TBC1D4: variants seen among roughly 807,000 people sequenced by gnomAD.
TBC1D4 encodes TBC1 domain family member 4.
A neutral mutation model predicts 142.5 loss-of-function variants in TBC1D4; 121 were observed. The observed-to-expected ratio is 0.85, with a 90% CI of 0.73 to 0.99. TBC1D4 has a LOEUF of 0.99. TBC1D4 is among the 50% of genes least tolerant of loss of function. TBC1D4 has a pLI of 0.00. For synonymous variants in TBC1D4, 630 were observed against 628.2 expected (o/e 1.00, Z -0.04); for missense variants, 1,475 against 1,606.6 (o/e 0.92, Z 1.40).
At chr13:75,434,185 A>C (rs573288431) in intron 1 of TBC1D4, among the ~76,000 whole-genome samples, 4 of 152,336 alleles carry the variant, frequency 2.6e-5, no homozygotes, top group African/African-American at 9.6e-5. Flanking sequence ...AATATAAGTC[A>C]TTCTGCCACA....
intron 1 of TBC1D4, among the ~76,000 whole-genome samples, chr13:75,368,010 G>C (rs1883018058): frequency 6.6e-6 from 1 of 152,130 alleles, no homozygotes; most frequent in African/African-American, 2.4e-5. Context: ...ATGGTTTTTA[G>C]GGTGAAGCTG....
chr13:75,409,620 C>T (rs1398156749), intron 1 of TBC1D4, among the ~76,000 whole-genome samples: 4 of 152,106 alleles, frequency 2.6e-5, no homozygotes, highest in Admixed American at 2.0e-4. Context: ...GCAGATTGAC[C>T]CTTGGTGAAA....
intron 12 of TBC1D4, among the ~76,000 whole-genome samples, chr13:75,317,543 C>A (rs988707090): frequency 2.0e-4 from 30 of 152,148 alleles, no homozygotes; most frequent in African/African-American, 6.0e-4. Context: ...TTTTAATCAT[C>A]TTTACATTTC....
At chr13:75,466,158 T>G (rs568227972) in intron 1 of TBC1D4, among the ~76,000 whole-genome samples, 1 of 152,242 alleles carries the variant, frequency 6.6e-6, no homozygotes, top group Non-Finnish European at 1.5e-5. Flanking sequence ...TTTGACTCTT[T>G]TCATCAACAC....
intron 4 of TBC1D4, among the ~76,000 whole-genome samples, chr13:75,350,361 TAAAC>T (rs1370635406): frequency 6.6e-6 from 1 of 152,188 alleles, no homozygotes; most frequent in East Asian, 1.9e-4. Flanking sequence ...GAAACTGAAA[TAAAC>T]AGACTATTCT....
chr13:75,382,524 T>C (rs1310543659), intron 1 of TBC1D4, among the ~76,000 whole-genome samples: 3 of 152,334 alleles, frequency 2.0e-5, no homozygotes, highest in East Asian at 3.9e-4. Flanking sequence ...ATGAATTTAA[T>C]ATGACTAGGA....
At chr13:75,325,276 T>G (rs1043001236) in intron 10 of TBC1D4, among the ~76,000 whole-genome samples, 1 of 152,046 alleles carries the variant, frequency 6.6e-6, no homozygotes, top group African/African-American at 2.4e-5. Context: ...ATTTTTTGTA[T>G]CATAAAATAT....
At chr13:75,299,185 G>A (rs1876254734) in intron 17 of TBC1D4, 145 bp downstream of exon 17, 2 of 1,405,080 alleles carry the variant, frequency 1.4e-6, no homozygotes, top group South Asian at 2.5e-5. Flanking sequence ...CCCACACTAA[G>A]TGAACTAAAA....
At chr13:75,310,461 A>T (rs1877636925) in intron 13 of TBC1D4, among the ~76,000 whole-genome samples, 1 of 151,994 alleles carries the variant, frequency 6.6e-6, no homozygotes, top group African/African-American at 2.4e-5. Context: ...TCTGCAATTT[A>T]CTTACGTATA....
chr13:75,294,805 G>C lies in TBC1D4; in HGVS notation c.3316+49C>G, dbSNP rs768147759. On this transcript the variant is annotated intron_variant, in intron 18 of 20. Coordinates refer to ENST00000377636, the MANE Select transcript of TBC1D4 (RefSeq NM_014832.5). The stretch of plus-strand genomic sequence containing the variant: ...TCATATGGCTAGAAGTAGAAGTATA[G>C]TCCTTGGAATAAATAATACTGTTCC... The C allele has an allele frequency of 5.0e-6, 8 of 1,590,440 alleles. No homozygotes were observed. In the African/African-American group the frequency reaches 9.4e-5, roughly 19 times the overall value.
chr13:75,378,245 T>C (rs1233839324), intron 1 of TBC1D4, among the ~76,000 whole-genome samples: 2 of 152,166 alleles, frequency 1.3e-5, no homozygotes, highest in Non-Finnish European at 2.9e-5. Context: ...TTCAAATGCA[T>C]ATTAACTCTA....
At chr13:75,368,776 C>T (rs1188830066) in intron 1 of TBC1D4, among the ~76,000 whole-genome samples, 1 of 152,154 alleles carries the variant, frequency 6.6e-6, no homozygotes, top group African/African-American at 2.4e-5. Context: ...TAGTGGGTCA[C>T]ACCTGTAATC....
intron 10 of TBC1D4, among the ~76,000 whole-genome samples, 168 bp downstream of exon 10, chr13:75,326,029 A>C (rs1879217099): frequency 6.6e-6 from 1 of 152,182 alleles, no homozygotes; most frequent in East Asian, 1.9e-4. Flanking sequence ...GTATGCCTTA[A>C]CCTTGCCTGT....
intron 1 of TBC1D4, among the ~76,000 whole-genome samples, chr13:75,424,838 C>T (rs549206189): frequency 1.3e-5 from 2 of 152,290 alleles, no homozygotes; most frequent in South Asian, 4.1e-4. Flanking sequence ...AGACCCTTAT[C>T]TCGCACCATA....
rs909671478 is a variant in TBC1D4, at chr13:75,295,079, A to T, written c.3157-66T>A. On this transcript the variant is annotated intron_variant, in intron 17 of 20. Coordinates refer to ENST00000377636, the MANE Select transcript of TBC1D4 (RefSeq NM_014832.5). ...ATCTGCATGTGCATCAAACACACTG[A>T]TTTTAATTTTATTCTAATATTTAAT... 4.3e-6 allele frequency: 6 copies of T among 1,404,410 alleles called. No individual in the cohort carries two copies. In the African/African-American group the frequency reaches 8.6e-5, roughly 20 times the overall value. The allele number at this position is 1,404,410 out of a possible 1,614,324, so 87.0% of individuals were successfully genotyped here. A position where few individuals can be genotyped will look rare whatever the true frequency, so the allele number is the denominator to read the frequency against.
chr13:75,408,251 T>C (rs1046157307), intron 1 of TBC1D4, among the ~76,000 whole-genome samples: 2 of 152,230 alleles, frequency 1.3e-5, no homozygotes, highest in Middle Eastern at 3.2e-3. Flanking sequence ...AAGCATTTTT[T>C]GGGGTTCATA....
chr13:75,444,666 C>A (rs1164371159), intron 1 of TBC1D4, among the ~76,000 whole-genome samples: 2 of 152,166 alleles, frequency 1.3e-5, no homozygotes, highest in Non-Finnish European at 2.9e-5. Context: ...CACCTTAACA[C>A]TTACAAAACA....
At chr13:75,423,573 TG>T (rs1307226359) in intron 1 of TBC1D4, among the ~76,000 whole-genome samples, 1 of 152,146 alleles carries the variant, frequency 6.6e-6, no homozygotes, top group Non-Finnish European at 1.5e-5. Context: ...CCAAAGCAGG[TG>T]AAGACATCAA....
intron 5 of TBC1D4, among the ~76,000 whole-genome samples, chr13:75,343,463 C>G (rs1216266289): frequency 6.6e-6 from 1 of 152,144 alleles, no homozygotes. Context: ...AGACAGAAAA[C>G]TAAATTCATT....
Sources: allele counts gnomAD v4.1 joint callset (sites outside exome capture counted in the v4.1 genomes callset), GRCh38; gene constraint gnomAD v4.1.1; transcripts MANE v1.5; gene names NCBI Gene and HGNC (gene_info 2026-07-23, HGNC 2026-07-21).